PDE10A: variants seen among roughly 807,000 people sequenced by gnomAD.
The protein encoded by PDE10A is cAMP and cAMP-inhibited cGMP 3',5'-cyclic phosphodiesterase 10A.
PDE10A carries 39 observed loss-of-function variants against 97.7 expected under a neutral mutation model. The observed-to-expected ratio is 0.40, with a 90% CI of 0.31 to 0.52. The LOEUF is 0.52. PDE10A is among the 20% of genes least tolerant of loss of function. The probability of loss-of-function intolerance (pLI) is 0.56; values close to 1 mark genes in which losing one functional copy is unlikely to be tolerated. For synonymous variants in PDE10A, 371 were observed against 376.8 expected, an observed-to-expected ratio of 0.98 and a Z score of 0.18; for missense variants, 731 against 1,047.8, an observed-to-expected ratio of 0.70 and a Z score of 4.17.
intron 1 of PDE10A, among the ~76,000 whole-genome samples, chr6:165,705,610 T>C (rs745486007): frequency 2.0e-5 from 3 of 152,194 alleles, no homozygotes; most frequent in Non-Finnish European, 2.9e-5. Flanking sequence ...TCAAATATAA[T>C]TGACAATAAA....
chr6:165,916,096 A>G (rs1189192187), intron 1 of PDE10A, among the ~76,000 whole-genome samples: 1 of 152,252 alleles, frequency 6.6e-6, no homozygotes, highest in Non-Finnish European at 1.5e-5. Context: ...GGCCGTGTTA[A>G]CATTGCTATG....
At chr6:165,562,031 G>C (rs1006300697) in intron 1 of PDE10A, among the ~76,000 whole-genome samples, 2 of 151,958 alleles carry the variant, frequency 1.3e-5, no homozygotes, top group African/African-American at 2.4e-5. Flanking sequence ...AATACTTAAG[G>C]AGGCCGAGGC....
At chr6:165,626,567 C>T (rs1788396023) in intron 1 of PDE10A, among the ~76,000 whole-genome samples, 1 of 152,182 alleles carries the variant, frequency 6.6e-6, no homozygotes. Context: ...TTCTTCTCGA[C>T]AGAAAACACT....
intron 1 of PDE10A, among the ~76,000 whole-genome samples, chr6:165,741,249 T>C (rs1792712830): frequency 6.6e-6 from 1 of 152,196 alleles, no homozygotes; most frequent in South Asian, 2.1e-4. Context: ...CTTAAATATA[T>C]ACAAACTTTA....
intron 1 of PDE10A, among the ~76,000 whole-genome samples, chr6:165,821,400 C>G (rs909572066): frequency 1.3e-5 from 2 of 152,172 alleles, no homozygotes; most frequent in Non-Finnish European, 2.9e-5. Flanking sequence ...AGTGATGAAG[C>G]ATTTGATATT....
At chr6:165,791,898 A>G (rs1778665066) in intron 1 of PDE10A, among the ~76,000 whole-genome samples, 3 of 152,156 alleles carry the variant, frequency 2.0e-5, no homozygotes, top group Admixed American at 1.3e-4. Flanking sequence ...CATAATCCTG[A>G]CTGTCTACTT....
chr6:165,385,725 C>T lies in PDE10A; in HGVS notation c.2610+2573G>A, dbSNP rs182896364. ...ATCAGCCAAGTGTACAGAAATTTTC[C>T]GAAGAGGAAGACACTCTTCCCTGAA... On this transcript the variant is annotated intron_variant, in intron 17 of 21. Coordinates refer to ENST00000539869, the MANE Select transcript of PDE10A (RefSeq NM_001385079.1). Among the ~76,000 whole-genome samples the T allele has an allele frequency of 6.6e-5, 10 of 152,268 alleles. No homozygotes were observed. The East Asian group carries it at 1.4e-3, about 21-fold the overall frequency.
At chr6:165,875,938 A>G (rs2039213612) in intron 1 of PDE10A, among the ~76,000 whole-genome samples, 1 of 152,232 alleles carries the variant, frequency 6.6e-6, no homozygotes, top group South Asian at 2.1e-4. Context: ...TAAAAAGCCC[A>G]TGACTGTTTC....
intron 2 of PDE10A, among the ~76,000 whole-genome samples, chr6:165,491,828 A>G (rs1373795066): frequency 6.6e-6 from 1 of 152,154 alleles, no homozygotes; most frequent in African/African-American, 2.4e-5. Context: ...AAACAAACCC[A>G]AACCCAGCAG....
rs1779059426 is a variant in PDE10A, at chr6:165,804,371, A to C, written c.-615+183158T>G. Among the ~76,000 whole-genome samples, 3 of 152,246 alleles carry C rather than the reference A, an allele frequency of 2.0e-5. No homozygotes were observed. The South Asian group carries it at 6.2e-4, about 32-fold the overall frequency. ...GCTTCAAATTCCATTGCGATATTAT[A>C]ATTTTTCCACTTTCGAGCATTCGTT... is the stretch of plus-strand genomic sequence containing the variant. On this transcript the variant is annotated intron_variant, in intron 1 of 19. Coordinates refer to the PDE10A transcript ENST00000366882.
At chr6:165,962,416 C>A (rs545176553) in intron 1 of PDE10A, among the ~76,000 whole-genome samples, 1 of 152,310 alleles carries the variant, frequency 6.6e-6, no homozygotes, top group South Asian at 2.1e-4. Flanking sequence ...GGAACTTAGA[C>A]GTCCACCATG....
intron 18 of PDE10A, among the ~76,000 whole-genome samples, chr6:165,373,633 G>T (rs1157752832): frequency 6.6e-6 from 1 of 152,070 alleles, no homozygotes. Context: ...ACTGTTGGTG[G>T]GACTGTAAAC....
intron 18 of PDE10A, among the ~76,000 whole-genome samples, chr6:165,371,940 T>G (rs1013579549): frequency 1.3e-5 from 2 of 151,774 alleles, no homozygotes; most frequent in Non-Finnish European, 2.9e-5. Flanking sequence ...AATCCATAAA[T>G]GTAATCCAGC....
intron 1 of PDE10A, among the ~76,000 whole-genome samples, chr6:165,597,436 T>C (rs1304032669): frequency 6.6e-6 from 1 of 152,168 alleles, no homozygotes; most frequent in African/African-American, 2.4e-5. Flanking sequence ...AGCCAATGAG[T>C]CTTTGGCTGT....
At chr6:165,975,193 G>A (rs1317384850) in intron 1 of PDE10A, among the ~76,000 whole-genome samples, 4 of 152,226 alleles carry the variant, frequency 2.6e-5, no homozygotes, top group Non-Finnish European at 4.4e-5. Flanking sequence ...ACTTGCAACT[G>A]AGACTGACTG....
intron 1 of PDE10A, among the ~76,000 whole-genome samples, chr6:165,618,570 G>A (rs747003880): frequency 2.6e-5 from 4 of 152,150 alleles, no homozygotes; most frequent in African/African-American, 4.8e-5. Flanking sequence ...ACTTAACACA[G>A]CCCTTTACCA....
chr6:165,390,280 G>A (rs1413252446), intron 16 of PDE10A, among the ~76,000 whole-genome samples: 2 of 152,200 alleles, frequency 1.3e-5, no homozygotes, highest in African/African-American at 2.4e-5. Context: ...CTTGGATCTC[G>A]CAAGGTGTGG....
intron 1 of PDE10A, among the ~76,000 whole-genome samples, chr6:165,656,132 A>G (rs978403077): frequency 6.6e-6 from 1 of 151,658 alleles, no homozygotes; most frequent in African/African-American, 2.4e-5. Flanking sequence ...GACGATCCCT[A>G]CTACCAAGGA....
chr6:165,438,983 C>T (rs1790244397), intron 5 of PDE10A, among the ~76,000 whole-genome samples: 2 of 148,176 alleles, frequency 1.3e-5, no homozygotes, highest in South Asian at 2.2e-4. Flanking sequence ...AAGATATATA[C>T]TTTGCATTTC....
Sources: gnomAD v4.1 joint callset for allele counts (sites outside exome capture counted in the v4.1 genomes callset) on GRCh38, gnomAD v4.1.1 for gene constraint, MANE v1.5 for transcripts, NCBI Gene and HGNC (gene_info 2026-07-23, HGNC 2026-07-21) for gene names.